The following USP34 variants were observed in gnomAD, a reference collection of about 807,000 sequenced individuals.
The protein encoded by USP34 is ubiquitin specific peptidase 34.
In USP34, 70 loss-of-function variants were observed where a neutral mutation model predicts 460.3. The observed-to-expected ratio is 0.15, with a 90% CI of 0.13 to 0.19. The LOEUF (loss-of-function observed/expected upper bound fraction) is 0.19. USP34 is among the 10% of genes least tolerant of loss of function. The pLI, the probability that USP34 is intolerant of heterozygous loss-of-function variation, is 1.00. For synonymous variants in USP34, 1,647 were observed against 1,405.3 expected, an observed-to-expected ratio of 1.17 and a Z score of -3.85; for missense variants, 3,985 against 4,236.2, an observed-to-expected ratio of 0.94 and a Z score of 1.65.
At chr2:61,412,177 G>A (rs1414167468) in intron 2 of USP34, among the ~76,000 whole-genome samples, 6 of 89,358 alleles carry the variant, frequency 6.7e-5, no homozygotes, top group Admixed American at 4.6e-4. Flanking sequence ...CAACAAGAGC[G>A]AAACTCCATC....
At chr2:61,255,373 T>C (rs1374350362) in intron 48 of USP34, among the ~76,000 whole-genome samples, 1 of 152,182 alleles carries the variant, frequency 6.6e-6, no homozygotes, top group Non-Finnish European at 1.5e-5. Flanking sequence ...GCTCTAACTG[T>C]AACAGCCAAC....
intron 75 of USP34, among the ~76,000 whole-genome samples, chr2:61,195,450 G>T (rs567438472): frequency 6.6e-6 from 1 of 151,264 alleles, no homozygotes; most frequent in Admixed American, 6.6e-5. Flanking sequence ...AAGGCAGGCA[G>T]ATCATGAGGT....
intron 2 of USP34, among the ~76,000 whole-genome samples, chr2:61,418,831 TTAC>T (rs1694275220): frequency 6.6e-6 from 1 of 152,326 alleles, no homozygotes; most frequent in South Asian, 2.1e-4. Flanking sequence ...TCCACTTTTA[TTAC>T]TACGAGCTAA....
intron 67 of USP34, among the ~76,000 whole-genome samples, chr2:61,216,923 G>GA (rs1257182328): frequency 0.021 from 2,064 of 99,750 alleles, 32 homozygotes; most frequent in African/African-American, 0.061. Context: ...ATCTCAAAAA[G>GA]AAAAAAAAAA....
chr2:61,235,721 A>C, intron 57 of USP34, 124 bp downstream of exon 57: 1 of 816,472 alleles, frequency 1.2e-6, no homozygotes. Flanking sequence ...AAATGATTTT[A>C]AGAATGACTT....
chr2:61,466,549 T>C (rs1033066201), intron 1 of USP34, among the ~76,000 whole-genome samples: 1 of 152,244 alleles, frequency 6.6e-6, no homozygotes, highest in East Asian at 1.9e-4. Flanking sequence ...ATACGTTTTA[T>C]GTATTGAAAC....
At chr2:61,397,091 A>G in intron 3 of USP34, among the ~76,000 whole-genome samples, 1 of 152,182 alleles carries the variant, frequency 6.6e-6, no homozygotes, top group East Asian at 1.9e-4. Context: ...GAGAATGAAG[A>G]AAAAAGAGAA....
chr2:61,330,067 T>A (rs1296875043), intron 20 of USP34, among the ~76,000 whole-genome samples: 2 of 152,182 alleles, frequency 1.3e-5, no homozygotes, highest in Non-Finnish European at 2.9e-5. Context: ...GGGTATATTT[T>A]AACAAAAAGG....
In USP34 at chr2:61,214,710, C is replaced by G. The variant is rs2103793513; in HGVS notation, c.8048-16G>C. The stretch of plus-strand genomic sequence containing the variant: ...TAAGCTGCAGCTATAAAATGTAAAA[C>G]AAAACTGTCAGATCCTTGTAAGATA... On this transcript the variant is annotated splice_polypyrimidine_tract_variant and intron_variant, in intron 67 of 79. Transcript: ENST00000398571. The G allele has an allele frequency of 6.2e-7, 1 of 1,611,646 alleles. No individual in the cohort carries two copies. Among genetic ancestry groups the G allele is most frequent in the Non-Finnish European group, 8.5e-7 (1 of 1,178,936 alleles).
At chr2:61,467,790 T>C (rs1245515712) in intron 1 of USP34, among the ~76,000 whole-genome samples, 2 of 151,832 alleles carry the variant, frequency 1.3e-5, no homozygotes, top group Non-Finnish European at 2.9e-5. Flanking sequence ...ACCCGGCTAA[T>C]TGGTGAATTT....
intron 10 of USP34, among the ~76,000 whole-genome samples, chr2:61,363,393 G>A (rs562569130): frequency 5.9e-5 from 9 of 152,244 alleles, no homozygotes; most frequent in Admixed American, 3.9e-4. Flanking sequence ...ATAGGGATAC[G>A]TTCTGAGAAA....
chr2:61,231,281 G>A (rs554390695), intron 58 of USP34, among the ~76,000 whole-genome samples: 22 of 151,952 alleles, frequency 1.4e-4, no homozygotes, highest in Non-Finnish European at 4.4e-5. Context: ...AATGGGTATA[G>A]GGTTTTTTTT....
chr2:61,440,573 A>G (rs1694935108), intron 1 of USP34, among the ~76,000 whole-genome samples: 1 of 148,482 alleles, frequency 6.7e-6, no homozygotes, highest in Admixed American at 6.7e-5. Flanking sequence ...GCTGGAATGC[A>G]GTGGCACAAT....
chr2:61,236,446 C>T, intron 53 of USP34, 57 bp from the exon 54 acceptor site: 1 of 1,289,794 alleles, frequency 7.8e-7, no homozygotes, highest in African/African-American at 1.5e-5. Context: ...TACATTTTAC[C>T]AATATTTTTA....
At chr2:61,216,425 C>T (rs1303479830) in intron 67 of USP34, among the ~76,000 whole-genome samples, 1 of 149,576 alleles carries the variant, frequency 6.7e-6, no homozygotes, top group African/African-American at 2.5e-5. Context: ...ATGGTGAAAC[C>T]CCATCTCTAC....
chr2:61,329,522 T>C, intron 20 of USP34, among the ~76,000 whole-genome samples: 1 of 152,048 alleles, frequency 6.6e-6, no homozygotes, highest in East Asian at 1.9e-4. Context: ...TAAATAGAAA[T>C]ACCCCAGAAA....
At chr2:61,206,735 A>AC (rs1490857983) in intron 71 of USP34, 25 bp downstream of exon 71, 1 of 1,609,166 alleles carries the variant, frequency 6.2e-7, no homozygotes, top group Non-Finnish European at 8.5e-7. Context: ...CACGAACAAA[A>AC]CATAAGAAGT....
At chr2:61,318,997 A>T (rs557592624) in intron 22 of USP34, among the ~76,000 whole-genome samples, 176 bp downstream of exon 22, 1 of 152,198 alleles carries the variant, frequency 6.6e-6, no homozygotes, top group Non-Finnish European at 1.5e-5. Context: ...TAAACAGTGT[A>T]AACAACAAAA....
At chr2:61,280,791 G>C (rs1689512803) in intron 38 of USP34, among the ~76,000 whole-genome samples, 1 of 152,126 alleles carries the variant, frequency 6.6e-6, no homozygotes, top group Non-Finnish European at 1.5e-5. Flanking sequence ...CTCCATTTAT[G>C]ATTTTTTATT....
Sources: allele counts gnomAD v4.1 joint callset (sites outside exome capture counted in the v4.1 genomes callset), GRCh38; gene constraint gnomAD v4.1.1; transcripts MANE v1.5; gene names NCBI Gene and HGNC (gene_info 2026-07-23, HGNC 2026-07-21).